The following ACTA2 variants were observed in gnomAD, a reference collection of about 807,000 sequenced individuals.
ACTA2 encodes actin alpha 2, smooth muscle.
In ACTA2, 12 loss-of-function variants were observed where a neutral mutation model predicts 39.5. The observed-to-expected ratio is 0.30, with a 90% CI of 0.19 to 0.49. The LOEUF is 0.49. Among genes scored for constraint, ACTA2 ranks in the 20% least tolerant of loss-of-function variants. The probability of loss-of-function intolerance (pLI) is 0.99; values close to 1 mark genes in which losing one functional copy is unlikely to be tolerated. For synonymous variants in ACTA2, 158 were observed against 180.6 expected (o/e 0.88, Z 1.00); for missense variants, 236 against 498.8 (o/e 0.47, Z 5.02).
At chr10:88,965,490 A>G (rs770179258) in intron 1 of ACTA2, among the ~76,000 whole-genome samples, 11 of 152,166 alleles carry the variant, frequency 7.2e-5, no homozygotes, top group Non-Finnish European at 1.0e-4. Context: ...GGATTATTAT[A>G]ACATAAAAGC....
rs145385908 is a variant in ACTA2, at chr10:88,966,769, T to TAA, written c.-23-17818_-23-17817dup. On this transcript the variant is annotated intron_variant, in intron 1 of 4. Coordinates refer to the ACTA2 transcript ENST00000415557. Reference sequence around the variant, plus strand: ...AGGGCTCCTGAGCAGGTCAAAGACGTAACCTGCTCAAATGTTTTGAAAACT... The same window carrying TAA: ...AGGGCTCCTGAGCAGGTCAAAGACGTAAAACCTGCTCAAATGTTTTGAAAACT... Among the ~76,000 whole-genome samples, 1,417 of 152,326 alleles carry TAA rather than the reference T, an allele frequency of 9.3e-3. 22 individuals carry two copies. The highest frequency in any genetic ancestry group is 0.032 in the African/African-American group (1,349 of 41,568).
At chr10:88,966,253 C>G (rs1846316041) in intron 1 of ACTA2, among the ~76,000 whole-genome samples, 1 of 152,132 alleles carries the variant, frequency 6.6e-6, no homozygotes, top group Middle Eastern at 3.2e-3. Flanking sequence ...ATTATCATAG[C>G]TTTTTCTTGT....
intron 6 of ACTA2, chr10:88,940,716 T>G (rs1259616562): frequency 4.7e-6 from 1 of 211,692 alleles, no homozygotes. Context: ...TAGCTAACAA[T>G]TATTGAATGC....
chr10:88,989,797 T>C (rs1434573149), intron 1 of ACTA2, among the ~76,000 whole-genome samples: 2 of 152,194 alleles, frequency 1.3e-5, no homozygotes, highest in Non-Finnish European at 2.9e-5. Flanking sequence ...GGTGCAGAGC[T>C]TGGTGGACGA....
intron 1 of ACTA2, among the ~76,000 whole-genome samples, chr10:88,960,317 G>GA (rs1253152828): frequency 6.6e-6 from 1 of 152,204 alleles, no homozygotes; most frequent in Non-Finnish European, 1.5e-5. Flanking sequence ...GTTTGACCCT[G>GA]ATTCTCTGAG....
chr10:88,943,390 T>C (rs1003428678), intron 4 of ACTA2, among the ~76,000 whole-genome samples: 3 of 152,142 alleles, frequency 2.0e-5, no homozygotes, highest in African/African-American at 7.2e-5. Context: ...ACAAGGAAAC[T>C]GAGGCTCTGA....
intron 1 of ACTA2, among the ~76,000 whole-genome samples, chr10:88,979,928 A>G (rs1439487982): frequency 6.6e-6 from 1 of 152,138 alleles, no homozygotes; most frequent in African/African-American, 2.4e-5. Flanking sequence ...ATAATAGAAG[A>G]TATAGTTCTT....
At chr10:88,980,217 A>G (rs980511826) in intron 1 of ACTA2, among the ~76,000 whole-genome samples, 3 of 152,230 alleles carry the variant, frequency 2.0e-5, no homozygotes, top group Non-Finnish European at 4.4e-5. Context: ...AATTAAACAT[A>G]ATGCACTTTA....
intron 6 of ACTA2, 25 bp downstream of exon 6, chr10:88,941,203 TC>T (rs1297462327): frequency 6.2e-7 from 1 of 1,612,922 alleles, no homozygotes; most frequent in Non-Finnish European, 8.5e-7. Context: ...TGCTCCCCTC[TC>T]CCCCTTATCT....
intron 1 of ACTA2, among the ~76,000 whole-genome samples, chr10:88,961,988 C>T (rs1172404803): frequency 6.6e-6 from 1 of 152,144 alleles, no homozygotes; most frequent in Non-Finnish European, 1.5e-5. Context: ...TTTTGCCATG[C>T]ATCAGTAATC....
chr10:88,988,512 A>G (rs116310164), intron 1 of ACTA2, among the ~76,000 whole-genome samples: 1 of 151,488 alleles, frequency 6.6e-6, no homozygotes, highest in African/African-American at 2.4e-5. Context: ...ATGTTCAGAA[A>G]CCAGGATATC....
intron 1 of ACTA2, among the ~76,000 whole-genome samples, chr10:88,987,321 G>T (rs1846930765): frequency 6.6e-6 from 1 of 152,206 alleles, no homozygotes; most frequent in African/African-American, 2.4e-5. Context: ...TAATTTATCA[G>T]TTAAGATTTT....
intron 3 of ACTA2, among the ~76,000 whole-genome samples, chr10:88,945,101 C>T (rs1387622243): frequency 6.6e-6 from 1 of 151,924 alleles, no homozygotes; most frequent in Non-Finnish European, 1.5e-5. Flanking sequence ...AACCTTTCTC[C>T]TCTCTCTCTC....
intron 8 of ACTA2, among the ~76,000 whole-genome samples, chr10:88,937,465 C>T (rs958682283): frequency 1.3e-5 from 2 of 152,218 alleles, no homozygotes; most frequent in East Asian, 3.8e-4. Context: ...GTTCCCTTCA[C>T]TAGGGCTCAA....
chr10:88,961,358 A>G (rs1365691285), intron 1 of ACTA2, among the ~76,000 whole-genome samples: 1 of 152,204 alleles, frequency 6.6e-6, no homozygotes, highest in Non-Finnish European at 1.5e-5. Flanking sequence ...TTTGTGTACT[A>G]TGTAGAAAAT....
intron 6 of ACTA2, chr10:88,940,254 G>T (rs922290611): frequency 3.4e-5 from 6 of 178,350 alleles, no homozygotes; most frequent in African/African-American, 1.4e-4. Context: ...AGTCCAGAAG[G>T]TTTCAGCGGT....
chr10:88,965,027 T>A (rs1007290238), intron 1 of ACTA2, among the ~76,000 whole-genome samples: 6 of 152,156 alleles, frequency 3.9e-5, no homozygotes, highest in Non-Finnish European at 8.8e-5. Context: ...GAGCCGGGGA[T>A]AGCTTCCCTT....
At chr10:88,982,611 T>G (rs1846738637) in intron 1 of ACTA2, among the ~76,000 whole-genome samples, 1 of 152,210 alleles carries the variant, frequency 6.6e-6, no homozygotes, top group Non-Finnish European at 1.5e-5. Context: ...TAGCCAGTTT[T>G]CTTGCTGTTC....
At chr10:88,943,928 G>C (rs1845901850) in intron 3 of ACTA2, 21 bp from the exon 4 acceptor site, 2 of 1,605,300 alleles carry the variant, frequency 1.2e-6, no homozygotes, top group African/African-American at 2.7e-5. Context: ...GGGGGACAGA[G>C]GAGAAACACA....
Sources: gnomAD v4.1 joint callset for allele counts (sites outside exome capture counted in the v4.1 genomes callset) on GRCh38, gnomAD v4.1.1 for gene constraint, MANE v1.5 for transcripts, NCBI Gene and HGNC (gene_info 2026-07-23, HGNC 2026-07-21) for gene names.